Variants in BRD8 observed in about 807,000 individuals in gnomAD.
The protein encoded by BRD8 is bromodomain containing 8, also known as bromodomain-containing protein 8.
In BRD8, 67 loss-of-function variants were observed where a neutral mutation model predicts 143.1. That is an observed-to-expected ratio of 0.47 (90% confidence interval 0.38 to 0.57). The LOEUF is 0.57. Ranked by LOEUF, BRD8 falls within the 20% of genes least tolerant of loss-of-function variation. BRD8 has a pLI of 0.00. For synonymous variants in BRD8, 505 were observed against 517.1 expected (o/e 0.98, Z 0.32); for missense variants, 1,103 against 1,503.0 (o/e 0.73, Z 4.40).
Position 138,139,923 on chromosome 5 carries a change from C to T in BRD8, c.*151G>A, listed in dbSNP as rs1366223205. On this transcript the variant is annotated 3_prime_UTR_variant, in exon 27 of 27. Transcript: ENST00000254900. ...CCTTTTTTTCTTTATATTATGTCCA[C>T]ATGCATCTTTGACTCGTTGGTTGTG... The T allele has an allele frequency of 6.6e-6, 4 of 609,902 alleles. No homozygotes were observed. Among genetic ancestry groups the T allele is most frequent in the Non-Finnish European group, 1.2e-5 (4 of 345,046 alleles). The allele number at this position is 609,902 out of a possible 1,614,324, so 37.8% of individuals were successfully genotyped here.
At chr5:138,176,071 A>G (rs556570698) in intron 2 of BRD8, among the ~76,000 whole-genome samples, 1 of 152,318 alleles carries the variant, frequency 6.6e-6, no homozygotes, top group East Asian at 1.9e-4. Context: ...TAATGGCCAA[A>G]AAGTGGAAAC....
In BRD8 at chr5:138,169,557, A is replaced by T. The variant is rs545857567; in HGVS notation, c.506-199T>A. Among the ~76,000 whole-genome samples, 172 of 152,344 alleles carry T rather than the reference A, an allele frequency of 1.1e-3. 1 individual carries two copies. Among genetic ancestry groups the T allele is most frequent in the African/African-American group, 3.8e-3 (157 of 41,584 alleles). ...AATTTTTCCTAAGGGCAATTCTCAC[A>T]CTAAGAAACTCCTTTAACAATCTCA... is the stretch of plus-strand genomic sequence containing the variant. On this transcript the variant is annotated intron_variant, in intron 7 of 26. Coordinates refer to ENST00000254900, the MANE Select transcript of BRD8 (RefSeq NM_139199.2).
rs117125825 is a variant in BRD8, at chr5:138,158,437, T to C, written c.2577+1118A>G. Among the ~76,000 whole-genome samples, 85 of 152,170 alleles carry C rather than the reference T, an allele frequency of 5.6e-4. 1 individual carries two copies. In the East Asian group the frequency reaches 0.016, roughly 29 times the overall value. Reference sequence around the variant, plus strand: ...CACTATTGATGCAGTGGTCACTTTTTTTTTTCTTTTTTTTGTTTGAGACAG... The same window carrying C: ...CACTATTGATGCAGTGGTCACTTTTCTTTTTCTTTTTTTTGTTTGAGACAG... On this transcript the variant is annotated intron_variant, in intron 20 of 26. Coordinates refer to ENST00000254900, the MANE Select transcript of BRD8 (RefSeq NM_139199.2).
intron 20 of BRD8, among the ~76,000 whole-genome samples, chr5:138,154,343 AC>A (rs1752488924): frequency 6.6e-6 from 1 of 150,884 alleles, no homozygotes; most frequent in South Asian, 2.1e-4. Flanking sequence ...GCCACCCACC[AC>A]CCCCACCAGA....
rs939533533 is a variant in BRD8, at chr5:138,170,884, G to C, written c.388C>G (p.Gln130Glu). Reference protein sequence around the residue: ...RRLKRDAELIQAGHMDSRLDE... With the variant: ...RRLKRDAELIEAGHMDSRLDE... ...AGTCTGCTGTCCATGTGTCCAGCTT[G>C]AATTAGTTCTGCATCTCTCTTTAGC... is the stretch of plus-strand genomic sequence containing the variant. Residue 130 changes from glutamine (Q) to glutamate (E), a missense_variant, in exon 6 of 27, where the codon CAA becomes GAA. By Grantham distance (29) the Gln-to-Glu change is conservative. Coordinates refer to ENST00000254900, the MANE Select transcript of BRD8 (RefSeq NM_139199.2). 6 of 1,614,068 alleles carry C rather than the reference G, an allele frequency of 3.7e-6. No individual in the cohort carries two copies. The highest frequency in any genetic ancestry group is 4.2e-6 in the Non-Finnish European group (5 of 1,180,022).
In BRD8 at chr5:138,164,755, C is replaced by T; in HGVS notation, c.1690G>A (p.Gly564Arg). The change falls in exon 12 of 27, where the codon GGG becomes AGG. Residue 564 changes from glycine to arginine, a missense_variant. Coordinates refer to ENST00000254900, the MANE Select transcript of BRD8 (RefSeq NM_139199.2). ...GEIVEADVAI[G>R]KGDETPLTNV... ...GTAAGTGGAGTCTCATCGCCTTTCCCAATGGCAACATCTGCTTCAACAATC... is the reference window on the plus strand; with the variant it reads ...GTAAGTGGAGTCTCATCGCCTTTCCTAATGGCAACATCTGCTTCAACAATC... 6.2e-7 allele frequency: 1 copy of T among 1,614,180 alleles called. No homozygotes were observed. Among genetic ancestry groups the T allele is most frequent in the Non-Finnish European group, 8.5e-7 (1 of 1,180,044 alleles).
intron 21 of BRD8, among the ~76,000 whole-genome samples, chr5:138,151,758 G>T (rs949506243): frequency 1.2e-4 from 19 of 152,202 alleles, no homozygotes; most frequent in Admixed American, 1.2e-3. Flanking sequence ...CCGCCTCCCG[G>T]GTTCAAGCGA....
chr5:138,149,640 A>T lies in BRD8; in HGVS notation c.3278T>A (p.Leu1093Gln). 6.3e-7 allele frequency: 1 copy of T among 1,592,256 alleles called. No individual in the cohort carries two copies. The highest frequency in any genetic ancestry group is 8.5e-7 in the Non-Finnish European group (1 of 1,171,646). Residue 1093 changes from leucine (L) to glutamine (Q), a missense_variant and splice_region_variant, in exon 23 of 27, where the codon CTG becomes CAG. Around this residue, in one of 7 missense-constraint regions of BRD8, gnomAD observed 369 missense variants for 445.5 expected, o/e 0.83. Coordinates refer to ENST00000254900, the MANE Select transcript of BRD8 (RefSeq NM_139199.2). Reference protein sequence around the residue: ...TLFSHATSSKLTDLSQDDPVQ... With the variant: ...TLFSHATSSKQTDLSQDDPVQ... ...AACTTGGATGAAAGTCTACGCTTAC[A>T]GCTTTGAGGAGGTAGCATGGCTGAA...
At chr5:138,155,305 C>T (rs1004708557) in intron 20 of BRD8, among the ~76,000 whole-genome samples, 5 of 151,150 alleles carry the variant, frequency 3.3e-5, no homozygotes, top group Non-Finnish European at 7.4e-5. Context: ...CAAAATTAGC[C>T]GGGCTTGGTG....
chr5:138,150,691 C>T, intron 22 of BRD8, 54 bp downstream of exon 22: 2 of 1,543,648 alleles, frequency 1.3e-6, no homozygotes, highest in Non-Finnish European at 1.7e-6. Context: ...CTACTCTGTT[C>T]TGCTTCCCTA....
At chr5:138,174,182 A>G (rs985177841) in intron 2 of BRD8, among the ~76,000 whole-genome samples, 6 of 113,250 alleles carry the variant, frequency 5.3e-5, no homozygotes, top group Non-Finnish European at 7.5e-5. Context: ...GTGTGTGTGT[A>G]TACATATATA....
intron 9 of BRD8, among the ~76,000 whole-genome samples, chr5:138,167,130 G>C (rs1212853324): frequency 6.8e-6 from 1 of 146,132 alleles, no homozygotes; most frequent in Non-Finnish European, 1.5e-5. Context: ...TTAGCTAGGC[G>C]TGGTGGTGGG....
At chr5:138,151,143 T>A (rs965687593) in intron 21 of BRD8, 135 bp from the exon 22 acceptor site, 2 of 1,215,512 alleles carry the variant, frequency 1.6e-6, no homozygotes, top group Admixed American at 4.5e-5. Context: ...AATACAATCA[T>A]CTAAAATCTG....
chr5:138,151,706 T>C (rs1752375584), intron 21 of BRD8, among the ~76,000 whole-genome samples: 1 of 152,208 alleles, frequency 6.6e-6, no homozygotes. Flanking sequence ...CTCTGTTACC[T>C]AGGCTGGAGT....
rs768952141 is a variant in BRD8, at chr5:138,164,948, C to T, written c.1497G>A (p.Val499=). ...TCTCTGCACTGGGCTCCCTGATGTC[C>T]ACCAGTTCATGTATTCCCTTGTTTT... ...ETENKGIHEL[V]DIREPSAEIK... Residue 499 remains valine, a synonymous_variant, in exon 12 of 27, where the codon GTG becomes GTA. Coordinates refer to ENST00000254900, the MANE Select transcript of BRD8 (RefSeq NM_139199.2). 7.4e-6 allele frequency: 12 copies of T among 1,614,054 alleles called. No homozygotes were observed. In the East Asian group the frequency reaches 2.7e-4, roughly 36 times the overall value.
At chr5:138,160,044 A>G in intron 19 of BRD8, 25 bp downstream of exon 19, 1 of 1,569,494 alleles carries the variant, frequency 6.4e-7, no homozygotes, top group Non-Finnish European at 8.8e-7. Context: ...ACACTGGCAC[A>G]CAGGTTCCTT....
chr5:138,166,637 G>A lies in BRD8; in HGVS notation c.878C>T (p.Pro293Leu). The change falls in exon 10 of 27, where the codon CCA (proline) becomes CTA (leucine). Residue 293 changes from proline (P) to leucine (L), a missense_variant. Physicochemically the swap from Pro to Leu is moderately conservative, Grantham distance 98. This residue lies in a region of BRD8 where 334 missense variants were observed against 372.5 expected (regional missense o/e 0.90). Transcript: ENST00000254900. ...ASFTTVASEPPVKLVPPPVES... is the reference protein window; with the variant it reads ...ASFTTVASEPLVKLVPPPVES... The stretch of plus-strand genomic sequence containing the variant: ...TACAGGGGGTGGCACAAGTTTAACT[G>A]GAGGCTCACTGGCAACAGTAGTGAA... 6.2e-7 allele frequency: 1 copy of A among 1,613,738 alleles called. No homozygotes were observed. The highest frequency in any genetic ancestry group is 8.5e-7 in the Non-Finnish European group (1 of 1,179,668).
At chr5:138,173,060 GATAAAATA>G (rs1754020951) in intron 2 of BRD8, among the ~76,000 whole-genome samples, 1 of 152,106 alleles carries the variant, frequency 6.6e-6, no homozygotes, top group South Asian at 2.1e-4. Flanking sequence ...AGTATCTGCT[GATAAAATA>G]ATAAAATTTA....
In BRD8 at chr5:138,165,814, C is replaced by T. The variant is rs1990038; in HGVS notation, c.1278+14G>A. ...GGACCCATGAGATTCTCTGGGGCTT[C>T]GCTGAATAGTTACCTTGTCCTCAAT... On this transcript the variant is annotated intron_variant, in intron 11 of 26. Coordinates refer to ENST00000254900, the MANE Select transcript of BRD8 (RefSeq NM_139199.2). 81 of 1,608,048 alleles carry T rather than the reference C, an allele frequency of 5.0e-5. No homozygotes were observed. Among genetic ancestry groups the T allele is most frequent in the Admixed American group, 2.5e-4 (15 of 59,606 alleles).
Sources: allele counts gnomAD v4.1 joint callset (sites outside exome capture counted in the v4.1 genomes callset), GRCh38; gene constraint gnomAD v4.1.1; regional missense constraint gnomAD v4.1.1; transcripts MANE v1.5; gene names NCBI Gene and HGNC (gene_info 2026-07-23, HGNC 2026-07-21).